PIM1: variants seen among roughly 807,000 people sequenced by gnomAD.
PIM1 encodes the protein serine/threonine-protein kinase pim-1.
In PIM1, 9 loss-of-function variants were observed where a neutral mutation model predicts 34.5. The observed-to-expected ratio is 0.26, with a 90% CI of 0.16 to 0.46. PIM1 has a LOEUF of 0.46. Among genes scored for constraint, PIM1 ranks in the 20% least tolerant of loss-of-function variants. The probability of loss-of-function intolerance (pLI) is 1.00; values close to 1 mark genes in which losing one functional copy is unlikely to be tolerated. For missense variants in PIM1, 274 were observed against 410.9 expected, an observed-to-expected ratio of 0.67 and a Z score of 2.88; for synonymous variants, 199 against 175.2, an observed-to-expected ratio of 1.14 and a Z score of -1.07.
In PIM1 at chr6:37,171,416, A is replaced by C. The variant is rs1762284034; in HGVS notation, c.532A>C (p.Asn178His). Residue 178 changes from asparagine to histidine, a missense_variant, in exon 4 of 6, where the codon AAT becomes CAT. Asn to His is a moderately conservative substitution (Grantham distance 68). Transcript: ENST00000373509. ...IKDENILIDL[N>H]RGELKLIDFG... ...GGACGAAAACATCCTTATCGACCTC[A>C]ATCGCGGCGAGCTCAAGCTCATCGA... is the stretch of plus-strand genomic sequence containing the variant. 6.2e-7 allele frequency: 1 copy of C among 1,613,830 alleles called. No individual in the cohort carries two copies. The highest frequency in any genetic ancestry group is 8.5e-7 in the Non-Finnish European group (1 of 1,180,040).
At position 37,172,668 on chromosome 6, in the gene PIM1, C is replaced by G; in HGVS notation, c.608-328C>G. 3 of 523,600 alleles carry G rather than the reference C, an allele frequency of 5.7e-6. 1 individual carries two copies. The highest frequency in any genetic ancestry group is 4.6e-5 in the South Asian group (3 of 65,176). The allele number at this position is 523,600 out of a possible 1,614,324, so 32.4% of individuals were successfully genotyped here. On this transcript the variant is annotated intron_variant, in intron 4 of 5. Coordinates refer to ENST00000373509, the MANE Select transcript of PIM1 (RefSeq NM_002648.4). ...TACCTTTCTTGGTTGTGCAGACATG[C>G]ATCCCTTCATCCTTCGCAGGCGGTC...
In PIM1 at chr6:37,170,874, T is replaced by C. The variant is rs749637559; in HGVS notation, c.184T>C (p.Leu62=). 1 of 1,612,516 alleles carries C rather than the reference T, an allele frequency of 6.2e-7. No homozygotes were observed. The highest frequency in any genetic ancestry group is 8.5e-7 in the Non-Finnish European group (1 of 1,179,336). Residue 62 remains leucine (L), a synonymous_variant, in exon 2 of 6, where the codon TTG becomes CTG. Coordinates refer to ENST00000373509, the MANE Select transcript of PIM1 (RefSeq NM_002648.4). The part of the protein sequence containing the change: ...VYSGIRVSDN[L]PVAIKHVEKD... ...CTCAGGCATCCGCGTCTCCGACAAC[T>C]TGCCGGTGAGTGGGCGCCCCGCGGT...
chr6:37,172,964 T>G, intron 4 of PIM1, 32 bp from the exon 5 acceptor site: 1 of 1,599,656 alleles, frequency 6.3e-7, no homozygotes, highest in South Asian at 1.1e-5. Flanking sequence ...TTGCTAAAAG[T>G]GTGTTTTCTC....
chr6:37,174,554 C>T lies in PIM1; in HGVS notation c.*463C>T. 1 of 234,816 alleles carries T rather than the reference C, an allele frequency of 4.3e-6. No individual in the cohort carries two copies. Among genetic ancestry groups the T allele is most frequent in the Non-Finnish European group, 8.4e-6 (1 of 118,708 alleles). The allele number at this position is 234,816 out of a possible 1,614,324, so 14.5% of individuals were successfully genotyped here. A position where few individuals can be genotyped will look rare whatever the true frequency, so the allele number is the denominator to read the frequency against. On this transcript the variant is annotated 3_prime_UTR_variant, in exon 6 of 6. Transcript: ENST00000373509. ...TGAGTGCCTTCTGTGGGGACTCCGG[C>T]TGTGCTGGGAGAAATACTTGAACTT...
chr6:37,171,649 A>T (rs950170429), intron 4 of PIM1, among the ~76,000 whole-genome samples, 158 bp downstream of exon 4: 93 of 152,352 alleles, frequency 6.1e-4, no homozygotes, highest in Non-Finnish European at 1.5e-4. Context: ...CTCCCAGCGT[A>T]GTAAAGCCGG....
At chr6:37,173,279 C>A in intron 5 of PIM1, 107 bp downstream of exon 5, 1 of 995,966 alleles carries the variant, frequency 1.0e-6, no homozygotes, top group Non-Finnish European at 1.5e-6. Flanking sequence ...CCAGTAGATT[C>A]TGTCACCCTT....
chr6:37,174,442 C>T lies in PIM1; in HGVS notation c.*351C>T, dbSNP rs1044207818. The T allele has an allele frequency of 1.5e-5, 4 of 268,384 alleles. No individual in the cohort carries two copies. The highest frequency in any genetic ancestry group is 2.2e-5 in the African/African-American group (1 of 46,300). The allele number at this position is 268,384 out of a possible 1,614,324, so 16.6% of individuals were successfully genotyped here. ...CTTCATCATGAGTTCTGCTGAATGC[C>T]GCGATGGGTCAGGTAGGGGGGAAAC... On this transcript the variant is annotated 3_prime_UTR_variant, in exon 6 of 6. Transcript: ENST00000373509.
chr6:37,172,853 C>T, intron 4 of PIM1, 143 bp from the exon 5 acceptor site: 1 of 764,758 alleles, frequency 1.3e-6, no homozygotes. Context: ...CTCCTTAGCC[C>T]AGAGGGAAAA....
Position 37,171,548 on chromosome 6 carries a change from C to G in PIM1, c.607+57C>G, listed in dbSNP as rs539190106. 71 of 1,566,168 alleles carry G rather than the reference C, an allele frequency of 4.5e-5. No individual in the cohort carries two copies. In the African/African-American group the frequency reaches 8.6e-4, roughly 19 times the overall value. On this transcript the variant is annotated intron_variant, in intron 4 of 5. Transcript: ENST00000373509. Reference sequence around the variant, plus strand: ...TGACTCGGCCCGGCCCGGCCCAGTCCGGAGGCCTCGGCCAGTCTCCCGCGC... The same window carrying G: ...TGACTCGGCCCGGCCCGGCCCAGTCGGGAGGCCTCGGCCAGTCTCCCGCGC...
chr6:37,170,217 G>A lies in PIM1; in HGVS notation c.-359G>A. On this transcript the variant is annotated 5_prime_UTR_variant, in exon 1 of 6. Coordinates refer to ENST00000373509, the MANE Select transcript of PIM1 (RefSeq NM_002648.4). ...CCGCGGTGGCTGAGGAGGCCCGAGA[G>A]GAGTCGGTGGCAGCGGCGGCGGCGG... 1.6e-6 allele frequency: 2 copies of A among 1,265,564 alleles called. No individual in the cohort carries two copies. Among genetic ancestry groups the A allele is most frequent in the South Asian group, 1.7e-5 (1 of 59,524 alleles). 78.4% of individuals were successfully genotyped at this position (1,265,564 alleles called of 1,614,324 possible).
Position 37,175,351 on chromosome 6 carries a change from T to TA in PIM1, c.*1261dup, listed in dbSNP as rs548849658. ...GCCTGCTGGTTTTATCTGAGTGAAA[T>TA]ACTGTACAGGGGAATAAAAGAGATC... On this transcript the variant is annotated 3_prime_UTR_variant, in exon 6 of 6. Transcript: ENST00000373509. 22 of 233,306 alleles carry TA rather than the reference T, an allele frequency of 9.4e-5. No individual in the cohort carries two copies. Among genetic ancestry groups the TA allele is most frequent in the African/African-American group, 4.2e-4 (19 of 45,416 alleles). 14.5% of individuals were successfully genotyped at this position (233,306 alleles called of 1,614,324 possible). A position where few individuals can be genotyped will look rare whatever the true frequency, so the allele number is the denominator to read the frequency against.
At chr6:37,172,079 CAG>C (rs1000101963) in intron 4 of PIM1, among the ~76,000 whole-genome samples, 1 of 151,856 alleles carries the variant, frequency 6.6e-6, no homozygotes, top group African/African-American at 2.4e-5. Context: ...GGTGTCTCCG[CAG>C]AGAGGATGAA....
chr6:37,170,524 C>T lies in PIM1; in HGVS notation c.-52C>T, dbSNP rs1252730313. 2 of 1,608,712 alleles carry T rather than the reference C, an allele frequency of 1.2e-6. No homozygotes were observed. The highest frequency in any genetic ancestry group is 2.2e-5 in the East Asian group (1 of 44,774). On this transcript the variant is annotated 5_prime_UTR_variant, in exon 1 of 6. Transcript: ENST00000373509. ...TTCGGCACAGCCCCGGCTCCGGCTCCTGCGGCAGCTCCTCTGGGCACCGTC... is the reference window on the plus strand; with the variant it reads ...TTCGGCACAGCCCCGGCTCCGGCTCTTGCGGCAGCTCCTCTGGGCACCGTC...
In PIM1 at chr6:37,170,786, G is replaced by C; in HGVS notation, c.96G>C (p.Glu32Asp). 6.2e-7 allele frequency: 1 copy of C among 1,612,690 alleles called. No individual in the cohort carries two copies. Among genetic ancestry groups the C allele is most frequent in the Non-Finnish European group, 8.5e-7 (1 of 1,179,658 alleles). ...ATKLAPGKEKEPLESQYQVGP... is the reference protein window; with the variant it reads ...ATKLAPGKEKDPLESQYQVGP... The stretch of plus-strand genomic sequence containing the variant: ...CCCCTTTCCTAGGCAAGGAGAAGGA[G>C]CCCCTGGAGTCGCAGTACCAGGTGG... Residue 32 changes from glutamate (E) to aspartate (D), a missense_variant, in exon 2 of 6, where the codon GAG (glutamate) becomes GAC (aspartate). Physicochemically the swap from Glu to Asp is conservative, Grantham distance 45. Transcript: ENST00000373509.
intron 5 of PIM1, among the ~76,000 whole-genome samples, chr6:37,173,398 T>C (rs563685832): frequency 1.4e-4 from 21 of 152,338 alleles, no homozygotes; most frequent in African/African-American, 5.1e-4. Context: ...GTGAGCATAT[T>C]AAGAAGAAAA....
At chr6:37,173,200 G>A (rs760469226) in intron 5 of PIM1, 28 bp downstream of exon 5, 2 of 1,611,020 alleles carry the variant, frequency 1.2e-6, no homozygotes, top group Admixed American at 3.3e-5. Context: ...CTGGCCATGG[G>A]GTTATTGGTC....
rs367638496 is a variant in PIM1 at position 37,171,129 on chromosome 6, A to G, written c.245A>G (p.Asn82Ser). ...DRISDWGELP[N>S]GTRVPMEVVL... ...GCGGCCCCCTCGCCCCTGCAGCCTA[A>G]TGGCACTCGAGTGCCCATGGAAGTG... is the stretch of plus-strand genomic sequence containing the variant. Residue 82 changes from asparagine (N) to serine (S), a missense_variant, in exon 4 of 6, where the codon AAT (asparagine) becomes AGT (serine). Physicochemically the swap from Asn to Ser is conservative, Grantham distance 46 (BLOSUM62 1). Coordinates refer to ENST00000373509, the MANE Select transcript of PIM1 (RefSeq NM_002648.4). 1.1e-5 allele frequency: 18 copies of G among 1,613,708 alleles called. No homozygotes were observed. The highest frequency in any genetic ancestry group is 6.7e-5 in the African/African-American group (5 of 74,922).
chr6:37,173,287 C>T, intron 5 of PIM1, 115 bp downstream of exon 5: 2 of 940,334 alleles, frequency 2.1e-6, no homozygotes, highest in East Asian at 2.6e-5. Context: ...TTCTGTCACC[C>T]TTGGCTTAGA....
Position 37,170,760 on chromosome 6 carries a change from C to T in PIM1, c.83-13C>T. 1 of 1,611,508 alleles carries T rather than the reference C, an allele frequency of 6.2e-7. No individual in the cohort carries two copies. The highest frequency in any genetic ancestry group is 1.3e-5 in the African/African-American group (1 of 75,012). On this transcript the variant is annotated splice_polypyrimidine_tract_variant and intron_variant, in intron 1 of 5. Transcript: ENST00000373509. Reference sequence around the variant, plus strand: ...GGGCCGGCACTGAGTCCCCGTGCTTCCCCCTTTCCTAGGCAAGGAGAAGGA... The same window carrying T: ...GGGCCGGCACTGAGTCCCCGTGCTTTCCCCTTTCCTAGGCAAGGAGAAGGA...
Sources: gnomAD v4.1 joint callset for allele counts (sites outside exome capture counted in the v4.1 genomes callset) on GRCh38, gnomAD v4.1.1 for gene constraint, MANE v1.5 for transcripts, NCBI Gene and HGNC (gene_info 2026-07-23, HGNC 2026-07-21) for gene names.